Variants in RBFOX1 observed in about 807,000 individuals in gnomAD.
RBFOX1 encodes the protein RNA binding fox-1 homolog 1.
In RBFOX1, 8 loss-of-function variants were observed where a neutral mutation model predicts 57.7. That is an observed-to-expected ratio of 0.14 (90% confidence interval 0.08 to 0.25). RBFOX1 has a LOEUF of 0.25. RBFOX1 is among the 10% of genes least tolerant of loss of function. The probability of loss-of-function intolerance (pLI) is 1.00; values close to 1 mark genes in which losing one functional copy is unlikely to be tolerated. For missense variants in RBFOX1, 611 were observed against 548.5 expected (o/e 1.11, Z -1.14); for synonymous variants, 326 against 222.4 (o/e 1.47, Z -4.15).
intron 4 of RBFOX1, among the ~76,000 whole-genome samples, chr16:5,931,769 G>A (rs1330343965): frequency 6.6e-6 from 1 of 152,094 alleles, no homozygotes; most frequent in African/African-American, 2.4e-5. Context: ...CATATACCCT[G>A]AATATTGTTT....
chr16:6,640,272 C>G (rs943130052), intron 2 of RBFOX1, among the ~76,000 whole-genome samples: 8 of 152,102 alleles, frequency 5.3e-5, no homozygotes, highest in Non-Finnish European at 1.2e-4. Flanking sequence ...AGTTGATATA[C>G]TATTAAGAAC....
rs1295621211 is a variant in RBFOX1 at position 6,036,159 on chromosome 16, C to A, written c.-127+16167C>A. 2.0e-5 allele frequency among the ~76,000 whole-genome samples: 3 copies of A among 152,182 alleles called. No homozygotes were observed. The East Asian group carries it at 5.8e-4, about 29-fold the overall frequency. On this transcript the variant is annotated intron_variant, in intron 1 of 15. Transcript: ENST00000550418. Reference sequence around the variant, plus strand: ...ACAATGGGAACTGAGACAATTCCCTCAGCAAAGAACATTGAGAAGCTGCAG... The same window carrying A: ...ACAATGGGAACTGAGACAATTCCCTAAGCAAAGAACATTGAGAAGCTGCAG...
chr16:6,957,281 A>G (rs866880176), intron 3 of RBFOX1, among the ~76,000 whole-genome samples: 58 of 151,748 alleles, frequency 3.8e-4, no homozygotes, highest in African/African-American at 1.1e-3. Context: ...ACAGGTGCCC[A>G]CCACTGCGCC....
chr16:6,472,717 G>T (rs891403095), intron 2 of RBFOX1, among the ~76,000 whole-genome samples: 1 of 151,362 alleles, frequency 6.6e-6, no homozygotes, highest in Non-Finnish European at 1.5e-5. Flanking sequence ...TCCGCCTCCC[G>T]GTTCAAGTGA....
intron 2 of RBFOX1, among the ~76,000 whole-genome samples, chr16:6,614,070 T>A (rs1432572507): frequency 6.6e-6 from 1 of 152,236 alleles, no homozygotes; most frequent in Non-Finnish European, 1.5e-5. Context: ...ACATTGTAAG[T>A]TGCTTTATTG....
chr16:7,409,255 C>T (rs1465019191), intron 4 of RBFOX1, among the ~76,000 whole-genome samples: 3 of 152,166 alleles, frequency 2.0e-5, no homozygotes, highest in African/African-American at 7.2e-5. Flanking sequence ...AATGTCAACC[C>T]TGTTAGAGGA....
At chr16:6,020,871 C>G (rs1309478005) in intron 1 of RBFOX1, among the ~76,000 whole-genome samples, 2 of 152,182 alleles carry the variant, frequency 1.3e-5, no homozygotes, top group African/African-American at 2.4e-5. Flanking sequence ...AGCCCGGAAG[C>G]TGTCCACTCA....
chr16:6,152,959 G>T (rs1410255663), intron 1 of RBFOX1, among the ~76,000 whole-genome samples: 2 of 151,940 alleles, frequency 1.3e-5, no homozygotes, highest in Non-Finnish European at 2.9e-5. Context: ...TTGCAATGTA[G>T]GTTCTGGATC....
chr16:7,042,782 C>T (rs1035975192), intron 3 of RBFOX1, among the ~76,000 whole-genome samples: 27 of 151,982 alleles, frequency 1.8e-4, no homozygotes, highest in Non-Finnish European at 2.9e-5. Context: ...AAAAATTAGC[C>T]GGGTGTGGTG....
intron 2 of RBFOX1, among the ~76,000 whole-genome samples, chr16:6,607,855 C>A (rs1322303936): frequency 2.0e-5 from 3 of 152,178 alleles, no homozygotes; most frequent in Admixed American, 2.0e-4. Context: ...CTTACATCCT[C>A]ATTTAGCCTT....
At chr16:7,321,077 G>A (rs77157055) in intron 4 of RBFOX1, among the ~76,000 whole-genome samples, 7,174 of 142,606 alleles carry the variant, frequency 0.05, 519 homozygotes, top group African/African-American at 0.16. Flanking sequence ...CTATCTATAC[G>A]TATACATATA....
At chr16:7,689,447 C>T (rs953213496) in intron 14 of RBFOX1, among the ~76,000 whole-genome samples, 1 of 152,086 alleles carries the variant, frequency 6.6e-6, no homozygotes, top group African/African-American at 2.4e-5. Context: ...GAATCTGCTA[C>T]CTACAGAACA....
At chr16:6,239,171 A>T (rs538447709) in intron 1 of RBFOX1, among the ~76,000 whole-genome samples, 1 of 152,182 alleles carries the variant, frequency 6.6e-6, no homozygotes, top group Non-Finnish European at 1.5e-5. Flanking sequence ...AATGATTGGA[A>T]TAAATAACGG....
chr16:5,388,403 A>G (rs182542011), intron 1 of RBFOX1, among the ~76,000 whole-genome samples: 86 of 152,266 alleles, frequency 5.6e-4, no homozygotes, highest in African/African-American at 2.0e-3. Flanking sequence ...TTGTGGTCCA[A>G]TAGGCACAGT....
chr16:5,365,219 G>T (rs756324222), intron 1 of RBFOX1, among the ~76,000 whole-genome samples: 1 of 152,112 alleles, frequency 6.6e-6, no homozygotes, highest in African/African-American at 2.4e-5. Context: ...GTTGAGGGTC[G>T]TTCTGGGAGG....
intron 3 of RBFOX1, among the ~76,000 whole-genome samples, chr16:5,720,583 C>A (rs1409490484): frequency 6.6e-6 from 1 of 152,098 alleles, no homozygotes; most frequent in Non-Finnish European, 1.5e-5. Flanking sequence ...CCGTTTAGGT[C>A]TATGATCCAT....
chr16:6,627,245 T>C (rs967540892), intron 2 of RBFOX1, among the ~76,000 whole-genome samples: 1 of 152,192 alleles, frequency 6.6e-6, no homozygotes, highest in Non-Finnish European at 1.5e-5. Context: ...GATGGGGCTT[T>C]GAAGCTGGCC....
intron 1 of RBFOX1, among the ~76,000 whole-genome samples, chr16:5,457,239 A>G (rs1242372048): frequency 1.3e-5 from 2 of 152,052 alleles, no homozygotes; most frequent in African/African-American, 4.8e-5. Flanking sequence ...CGGGTTCAAG[A>G]TCCTCCTGCC....
At chr16:6,296,422 A>ATT (rs541581252) in intron 1 of RBFOX1, among the ~76,000 whole-genome samples, 33,997 of 147,140 alleles carry the variant, frequency 0.23, 4,046 homozygotes, top group South Asian at 0.25. Flanking sequence ...GAGGGGATGT[A>ATT]CTTTTTTTTT....
Sources: allele counts gnomAD v4.1 joint callset (sites outside exome capture counted in the v4.1 genomes callset), GRCh38; gene constraint gnomAD v4.1.1; transcripts MANE v1.5; gene names NCBI Gene and HGNC (gene_info 2026-07-23, HGNC 2026-07-21).